Variants in TCF20 observed in about 807,000 individuals in gnomAD.
TCF20 encodes the protein transcription factor 20.
A neutral mutation model predicts 148.6 loss-of-function variants in TCF20; 3 were observed. That is an observed-to-expected ratio of 0.02 (90% CI 0.01 to 0.05). The LOEUF (loss-of-function observed/expected upper bound fraction) is 0.05. TCF20 is among the 10% of genes least tolerant of loss of function. The pLI, the probability that TCF20 is intolerant of heterozygous loss-of-function variation, is 1.00. For synonymous variants in TCF20, 1,049 were observed against 909.5 expected, an observed-to-expected ratio of 1.15 and a Z score of -2.76; for missense variants, 2,350 against 2,429.3, an observed-to-expected ratio of 0.97 and a Z score of 0.69.
At chr22:42,201,724 T>TGCCATTGCGGTCCAGCCTG (rs1246444889) in intron 2 of TCF20, among the ~76,000 whole-genome samples, 2 of 151,880 alleles carry the variant, frequency 1.3e-5, no homozygotes, top group African/African-American at 4.8e-5. Context: ...GCCGAAATTG[T>TGCCATTGCGGTCCAGCCTG]GCCATTGCGG....
At chr22:42,326,799 A>T (rs1233637777) in intron 1 of TCF20, among the ~76,000 whole-genome samples, 1 of 152,256 alleles carries the variant, frequency 6.6e-6, no homozygotes. Context: ...CAACCTTGCT[A>T]ATCTTCAACT....
intron 1 of TCF20, among the ~76,000 whole-genome samples, chr22:42,254,238 C>G (rs1925595607): frequency 6.6e-6 from 1 of 152,196 alleles, no homozygotes; most frequent in African/African-American, 2.4e-5. Flanking sequence ...GGGCAACAGA[C>G]AAGTCCTTGC....
chr22:42,260,964 G>C (rs1402999697), intron 1 of TCF20, among the ~76,000 whole-genome samples: 1 of 152,126 alleles, frequency 6.6e-6, no homozygotes. Flanking sequence ...TGCCTATCAA[G>C]ACCTAACCAT....
At chr22:42,190,591 T>C (rs1019417933) in intron 2 of TCF20, among the ~76,000 whole-genome samples, 1 of 152,220 alleles carries the variant, frequency 6.6e-6, no homozygotes, top group Non-Finnish European at 1.5e-5. Flanking sequence ...TCTGTGCTTG[T>C]CTGCAAGGCT....
At position 42,188,016 on chromosome 22, in the gene TCF20, G is replaced by A. The variant is rs562354056; in HGVS notation, c.5656-8314C>T. Among the ~76,000 whole-genome samples the A allele has an allele frequency of 5.9e-5, 9 of 151,954 alleles. No homozygotes were observed. The South Asian group carries it at 8.3e-4, about 14-fold the overall frequency. On this transcript the variant is annotated intron_variant, in intron 2 of 5. Coordinates refer to ENST00000677622, the MANE Select transcript of TCF20 (RefSeq NM_001378418.1). ...TTTAAAAAATCCAGATTCTCAGGCC[G>A]GGCATGGTGGCTCACGCCTGTAATT...
chr22:42,298,960 C>T (rs943912439), intron 1 of TCF20, among the ~76,000 whole-genome samples: 2 of 152,234 alleles, frequency 1.3e-5, no homozygotes, highest in Admixed American at 6.5e-5. Context: ...CCGGGCACCA[C>T]GGCCAGCACA....
chr22:42,237,398 G>A (rs1051090860), intron 1 of TCF20, among the ~76,000 whole-genome samples: 7 of 152,024 alleles, frequency 4.6e-5, no homozygotes, highest in African/African-American at 1.4e-4. Flanking sequence ...CTTTTAATTC[G>A]AGTTCTCTTG....
intron 2 of TCF20, among the ~76,000 whole-genome samples, chr22:42,197,435 G>C (rs749070639): frequency 1.3e-5 from 2 of 150,738 alleles, no homozygotes; most frequent in Non-Finnish European, 2.9e-5. Context: ...CCATTCTCCT[G>C]CCTCAGCCTC....
intron 1 of TCF20, among the ~76,000 whole-genome samples, chr22:42,254,881 C>T (rs1013154548): frequency 1.4e-5 from 2 of 140,882 alleles, no homozygotes; most frequent in African/African-American, 2.6e-5. Flanking sequence ...AGGAGAATGG[C>T]GTGAACCTGG....
intron 3 of TCF20, among the ~76,000 whole-genome samples, chr22:42,178,515 A>T (rs2147089751): frequency 6.6e-6 from 1 of 152,274 alleles, no homozygotes; most frequent in East Asian, 1.9e-4. Context: ...TCAAGAAAAG[A>T]AAGTAAAAAG....
At chr22:42,234,888 C>T (rs1235853003) in intron 1 of TCF20, among the ~76,000 whole-genome samples, 1 of 152,062 alleles carries the variant, frequency 6.6e-6, no homozygotes, top group Non-Finnish European at 1.5e-5. Context: ...GCCTGTAAAT[C>T]CCAGAACTTT....
chr22:42,309,537 A>G (rs1324754983), intron 1 of TCF20, among the ~76,000 whole-genome samples: 2 of 147,472 alleles, frequency 1.4e-5, no homozygotes, highest in African/African-American at 5.1e-5. Context: ...CAGGCTCCTG[A>G]GCTTCCCCCT....
Position 42,210,309 on chromosome 22 carries a change from C to G in TCF20, c.4997G>C (p.Gly1666Ala), listed in dbSNP as rs1402380311. 7 of 1,614,198 alleles carry G rather than the reference C, an allele frequency of 4.3e-6. No individual in the cohort carries two copies. The highest frequency in any genetic ancestry group is 5.9e-6 in the Non-Finnish European group (7 of 1,180,034). ...AGGTGGAGGGGTCAGTGACCTCTGA[C>G]CCTTCCTGCCCCTCACTAATTTGGT... ...EQTKLVRGRKGQRSLTPPPSS... is the reference protein window; with the variant it reads ...EQTKLVRGRKAQRSLTPPPSS... The change falls in exon 2 of 6, where the codon GGT (glycine) becomes GCT (alanine). Residue 1666 changes from glycine (G) to alanine (A), a missense_variant. Coordinates refer to ENST00000677622, the MANE Select transcript of TCF20 (RefSeq NM_001378418.1). The surrounding 1 kb of genome is among the most constrained non-coding windows in gnomAD (Gnocchi z 4.7).
intron 1 of TCF20, among the ~76,000 whole-genome samples, chr22:42,326,826 G>A (rs73433572): frequency 0.026 from 3,939 of 152,342 alleles, 151 homozygotes; most frequent in African/African-American, 0.085. Context: ...CCCAGAGAGG[G>A]CCACACTTGC....
chr22:42,326,616 G>A (rs1170841764), intron 1 of TCF20, among the ~76,000 whole-genome samples: 2 of 152,174 alleles, frequency 1.3e-5, no homozygotes, highest in African/African-American at 4.8e-5. Flanking sequence ...AAGCCTCAGG[G>A]AGCCAGGTAC....
At chr22:42,169,696 C>T in intron 4 of TCF20, 151 bp downstream of exon 4, 3 of 713,992 alleles carry the variant, frequency 4.2e-6, no homozygotes, top group Middle Eastern at 4.0e-4. Flanking sequence ...CATGCCCCTC[C>T]ACCCTCCCAG....
chr22:42,264,007 C>T (rs1926153256), intron 1 of TCF20, among the ~76,000 whole-genome samples: 1 of 152,096 alleles, frequency 6.6e-6, no homozygotes, highest in Non-Finnish European at 1.5e-5. Context: ...TGTCTTCCAG[C>T]TCTAAAATTC....
In TCF20 at chr22:42,299,865, G is replaced by A. The variant is rs1331194460; in HGVS notation, c.-37+43614C>T. On this transcript the variant is annotated intron_variant, in intron 1 of 1. Coordinates refer to the TCF20 transcript ENST00000515426. This position sits in a 1 kb window ranked among gnomAD's most constrained non-coding sequence, Gnocchi z 4.1. ...GGAAGCGGAGGGGAGGAGGGAGGAG[G>A]GAAAAGACAGAAAGGGGTAGAAGGG... Among the ~76,000 whole-genome samples, 1 of 150,166 alleles carries A rather than the reference G, an allele frequency of 6.7e-6. No homozygotes were observed. Among genetic ancestry groups the A allele is most frequent in the Non-Finnish European group, 1.5e-5 (1 of 67,580 alleles).
chr22:42,301,655 G>C (rs897456051), intron 1 of TCF20, among the ~76,000 whole-genome samples: 2 of 152,246 alleles, frequency 1.3e-5, no homozygotes, highest in Non-Finnish European at 2.9e-5. Context: ...GGAAACCTTT[G>C]GGAGGGGTCT....
Sources: gnomAD v4.1 joint callset for allele counts (sites outside exome capture counted in the v4.1 genomes callset) on GRCh38, gnomAD v4.1.1 for gene constraint, Gnocchi (gnomAD v3.1) non-coding constraint, MANE v1.5 for transcripts, NCBI Gene and HGNC (gene_info 2026-07-23, HGNC 2026-07-21) for gene names.